The following ZBED5 variants were observed in gnomAD, a reference collection of about 807,000 sequenced individuals.
ZBED5 encodes the protein zinc finger BED domain-containing protein 5.
ZBED5 carries 29 observed loss-of-function variants against 49.2 expected under a neutral mutation model. The ratio of observed to expected loss-of-function variants is 0.59; its 90% CI spans 0.44 to 0.80. The LOEUF is 0.80. Ranked by LOEUF, ZBED5 falls within the 30% of genes least tolerant of loss-of-function variation. The probability of loss-of-function intolerance (pLI) is 0.00; values close to 1 mark genes in which losing one functional copy is unlikely to be tolerated. For missense variants in ZBED5, 775 were observed against 812.9 expected (o/e 0.95, Z 0.57); for synonymous variants, 281 against 292.5 (o/e 0.96, Z 0.40).
At position 10,858,021 on chromosome 11, in the gene ZBED5, G is replaced by C. The variant is rs2232914; in HGVS notation, c.-415C>G. The C allele has an allele frequency of 0.018, 5,282 of 300,144 alleles. 86 individuals carry two copies. The highest frequency in any genetic ancestry group is 0.036 in the Middle Eastern group (39 of 1,088). 18.6% of individuals were successfully genotyped at this position (300,144 alleles called of 1,614,324 possible). A position where few individuals can be genotyped will look rare whatever the true frequency, so the allele number is the denominator to read the frequency against. On this transcript the variant is annotated 5_prime_UTR_variant, in exon 1 of 3. The change creates a new upstream start codon in the 5' untranslated region. Transcript: ENST00000413761. ...ATATCGCCTAGGCCATCTCCATAGA[G>C]ATCCGATTCGCGGCTGGCGCGGTCG...
At position 10,853,358 on chromosome 11, in the gene ZBED5, G is replaced by C. The variant is rs1848128053; in HGVS notation, c.1588C>G (p.Leu530Val). 3 of 1,551,488 alleles carry C rather than the reference G, an allele frequency of 1.9e-6. No individual in the cohort carries two copies. The East Asian group carries it at 7.3e-5, about 38-fold the overall frequency. Residue 530 changes from leucine to valine, a missense_variant, in exon 3 of 3, where the codon CTC (leucine) becomes GTC (valine). Physicochemically the swap from Leu to Val is conservative, Grantham distance 32. Coordinates refer to ENST00000413761, the MANE Select transcript of ZBED5 (RefSeq NM_001143667.2). This position sits in a 1 kb window ranked among gnomAD's most constrained non-coding sequence, Gnocchi z 5.4. ...TTAATTTCAGTCAAAAAATCACTGA[G>C]TGTAGGAAAACAATCAAAGTTTTCT... ...EEENFDCFPT[L>V]SDFLTEINST...
Position 10,854,117 on chromosome 11 carries a change from G to T in ZBED5, c.829C>A (p.Leu277Ile), listed in dbSNP as rs1037128597. The part of the protein sequence containing the change: ...LKICDGFSLQ[L>I]DESADVSGLA... ...CCTGAAACATCAGCTGATTCATCTA[G>T]TTGCAGTGAAAACCCATCGCAAATT... The change falls in exon 3 of 3, where the codon CTA (leucine) becomes ATA (isoleucine). Residue 277 changes from leucine to isoleucine, a missense_variant. Coordinates refer to ENST00000413761, the MANE Select transcript of ZBED5 (RefSeq NM_001143667.2). The surrounding 1 kb of genome is among the most constrained non-coding windows in gnomAD (Gnocchi z 5.0). 1.5e-5 allele frequency: 24 copies of T among 1,550,562 alleles called. No homozygotes were observed. Among genetic ancestry groups the T allele is most frequent in the Non-Finnish European group, 2.0e-5 (23 of 1,146,382 alleles).
Position 10,854,309 on chromosome 11 carries a change from T to C in ZBED5, c.637A>G (p.Ile213Val), listed in dbSNP as rs1250091839. 2.6e-6 allele frequency: 4 copies of C among 1,550,878 alleles called. No homozygotes were observed. The highest frequency in any genetic ancestry group is 2.7e-5 in the African/African-American group (2 of 73,182). Residue 213 changes from isoleucine (I) to valine (V), a missense_variant, in exon 3 of 3, where the codon ATT (isoleucine) becomes GTT (valine). Coordinates refer to ENST00000413761, the MANE Select transcript of ZBED5 (RefSeq NM_001143667.2). This position sits in a 1 kb window ranked among gnomAD's most constrained non-coding sequence, Gnocchi z 5.0. ...HIALSGEAHTIGELLIKPCAK... is the reference protein window; with the variant it reads ...HIALSGEAHTVGELLIKPCAK... The stretch of plus-strand genomic sequence containing the variant: ...CAAGGTTTGATAAGCAATTCTCCAA[T>C]AGTATGAGCCTCTCCACTCAGCGCT...
In ZBED5 at chr11:10,854,801, C is replaced by G. The variant is rs551652740; in HGVS notation, c.145G>C (p.Val49Leu). The G allele has an allele frequency of 3.7e-5, 57 of 1,552,094 alleles. No individual in the cohort carries two copies. In the African/African-American group the frequency reaches 7.7e-4, roughly 21 times the overall value. Residue 49 changes from valine (V) to leucine (L), a missense_variant, in exon 3 of 3, where the codon GTG becomes CTG. By Grantham distance (32) the Val-to-Leu change is conservative. Coordinates refer to ENST00000413761, the MANE Select transcript of ZBED5 (RefSeq NM_001143667.2). This position sits in a 1 kb window ranked among gnomAD's most constrained non-coding sequence, Gnocchi z 5.0. ...LLKQGSLKQEVESFCYQIVSE... is the reference protein window; with the variant it reads ...LLKQGSLKQELESFCYQIVSE... The stretch of plus-strand genomic sequence containing the variant: ...ACAATCTGATAACAGAAAGATTCCA[C>G]TTCTTGTTTAAGACTTCCTTGTTTC...
rs1407021476 is a variant in ZBED5, at chr11:10,853,490, C to T, written c.1456G>A (p.Glu486Lys). 30 of 1,550,794 alleles carry T rather than the reference C, an allele frequency of 1.9e-5. No homozygotes were observed. The highest frequency in any genetic ancestry group is 2.4e-5 in the Non-Finnish European group (27 of 1,146,518). The change falls in exon 3 of 3, where the codon GAA (glutamate) becomes AAA (lysine). Residue 486 changes from glutamate to lysine, a missense_variant. Coordinates refer to ENST00000413761, the MANE Select transcript of ZBED5 (RefSeq NM_001143667.2). The surrounding 1 kb of genome is among the most constrained non-coding windows in gnomAD (Gnocchi z 5.4). ...TTTCCTTGCATTGACAAATTAACTT[C>T]ATTTAATTTAGTAAAAATATCTGCA... ...YLADIFTKLN[E>K]VNLSMQGKNV...
At position 10,853,177 on chromosome 11, in the gene ZBED5, C is replaced by G; in HGVS notation, c.1769G>C (p.Arg590Pro). 1.9e-6 allele frequency: 3 copies of G among 1,551,616 alleles called. No homozygotes were observed. Among genetic ancestry groups the G allele is most frequent in the Non-Finnish European group, 1.7e-6 (2 of 1,146,958 alleles). The change falls in exon 3 of 3, where the codon CGG becomes CCG. Residue 590 changes from arginine to proline, a missense_variant. Transcript: ENST00000413761. The surrounding 1 kb of genome is among the most constrained non-coding windows in gnomAD (Gnocchi z 5.4). ...TAAATCAATCAGGCTCTCATAGTCCCGTGCTACTAATGAAGCTGGTTTAAC... is the reference window on the plus strand; with the variant it reads ...TAAATCAATCAGGCTCTCATAGTCCGGTGCTACTAATGAAGCTGGTTTAAC... ...VTVKPASLVA[R>P]DYESLIDLTS... is the part of the protein sequence containing the mutation.
Position 10,854,856 on chromosome 11 carries a change from G to C in ZBED5, c.90C>G (p.Thr30=), listed in dbSNP as rs1447164324. ...NVYSKLTMFC[T]TNSLPMDLLL... is the part of the protein sequence containing the mutation. ...ACAGATCCATGGGCAATGAGTTTGT[G>C]GTACAAAACATGGTTAATTTAGAAT... Residue 30 remains threonine (T), a synonymous_variant, in exon 3 of 3, where the codon ACC becomes ACG. Transcript: ENST00000413761. This position sits in a 1 kb window ranked among gnomAD's most constrained non-coding sequence, Gnocchi z 5.0. 6.4e-7 allele frequency: 1 copy of C among 1,551,660 alleles called. No individual in the cohort carries two copies. Among genetic ancestry groups the C allele is most frequent in the Non-Finnish European group, 8.7e-7 (1 of 1,146,962 alleles).
Position 10,853,978 on chromosome 11 carries a change from C to T in ZBED5, c.968G>A (p.Cys323Tyr), listed in dbSNP as rs1848140950. ...ATGTTTCTGCATAAAACTGTTGATACAGTTGAATATTTCTTCACCGGTAGC... is the reference window on the plus strand; with the variant it reads ...ATGTTTCTGCATAAAACTGTTGATATAGTTGAATATTTCTTCACCGGTAGC... ...SNATGEEIFN[C>Y]INSFMQKHEI... The change falls in exon 3 of 3, where the codon TGT becomes TAT. Residue 323 changes from cysteine to tyrosine, a missense_variant. Cys to Tyr is a radical substitution (Grantham distance 194, BLOSUM62 -2). Transcript: ENST00000413761. The surrounding 1 kb of genome is among the most constrained non-coding windows in gnomAD (Gnocchi z 5.4). 2.6e-6 allele frequency: 4 copies of T among 1,551,538 alleles called. No individual in the cohort carries two copies. Among genetic ancestry groups the T allele is most frequent in the South Asian group, 1.2e-5 (1 of 84,064 alleles).
In ZBED5 at chr11:10,852,760, T is replaced by C. The variant is rs532567827; in HGVS notation, c.*104A>G. On this transcript the variant is annotated 3_prime_UTR_variant, in exon 3 of 3. Transcript: ENST00000413761. ...TTAAAATCTAAATAGTATAAAAAAATGGAATCATTTTATTTAAATCCCCCA... is the reference window on the plus strand; with the variant it reads ...TTAAAATCTAAATAGTATAAAAAAACGGAATCATTTTATTTAAATCCCCCA... 3 of 1,402,556 alleles carry C rather than the reference T, an allele frequency of 2.1e-6. No homozygotes were observed. Among genetic ancestry groups the C allele is most frequent in the Admixed American group, 3.0e-5 (1 of 33,620 alleles). 86.9% of individuals were successfully genotyped at this position (1,402,556 alleles called of 1,614,324 possible).
chr11:10,855,727 A>G lies in ZBED5; in HGVS notation c.-142+417T>C, dbSNP rs1848170743. On this transcript the variant is annotated intron_variant, in intron 2 of 2. Transcript: ENST00000413761. This position sits in a 1 kb window ranked among gnomAD's most constrained non-coding sequence, Gnocchi z 4.1. Reference sequence around the variant, plus strand: ...TCCTAAATGTTATGCGTTAACAATGAAGAATAAATTGTATATCAAAAGTTA... The same window carrying G: ...TCCTAAATGTTATGCGTTAACAATGGAGAATAAATTGTATATCAAAAGTTA... The G allele has an allele frequency of 6.6e-5, 10 of 152,326 alleles. 1 individual carries two copies. In the South Asian group the frequency reaches 2.1e-3, roughly 32 times the overall value. The allele number at this position is 152,326 out of a possible 1,614,324, so 9.4% of individuals were successfully genotyped here.
At position 10,852,942 on chromosome 11, in the gene ZBED5, C is replaced by A. The variant is rs548807060; in HGVS notation, c.2004G>T (p.Met668Ile). ...GTGTAATATTGCTAAGTCGGATTCG[C>A]ATATGAGGTGCAGCATCAAGTCTTT... ...YRKRLDAAPHMRIRLSNITPN... is the reference protein window; with the variant it reads ...YRKRLDAAPHIRIRLSNITPN... The change falls in exon 3 of 3, where the codon ATG becomes ATT. Residue 668 changes from methionine (M) to isoleucine (I), a missense_variant. By Grantham distance (10) the Met-to-Ile change is conservative. Transcript: ENST00000413761. 1 of 1,551,588 alleles carries A rather than the reference C, an allele frequency of 6.4e-7. No homozygotes were observed. Among genetic ancestry groups the A allele is most frequent in the Admixed American group, 2.0e-5 (1 of 50,996 alleles).
Position 10,854,736 on chromosome 11 carries a change from A to C in ZBED5, c.210T>G (p.Ser70Arg). 2 of 1,551,744 alleles carry C rather than the reference A, an allele frequency of 1.3e-6. No individual in the cohort carries two copies. The highest frequency in any genetic ancestry group is 1.7e-6 in the Non-Finnish European group (2 of 1,146,962). ...SNDQKVGILQ[S>R]EDKQLQPSVS... ...CTGAAGGTTGCAACTGCTTATCTTCACTTTGTAATATTCCAACCTTCTGAT... is the reference window on the plus strand; with the variant it reads ...CTGAAGGTTGCAACTGCTTATCTTCCCTTTGTAATATTCCAACCTTCTGAT... The change falls in exon 3 of 3, where the codon AGT becomes AGG. Residue 70 changes from serine to arginine, a missense_variant. Transcript: ENST00000413761. The surrounding 1 kb of genome is among the most constrained non-coding windows in gnomAD (Gnocchi z 5.0).
rs1848148045 is a variant in ZBED5 at position 10,854,259 on chromosome 11, C to A, written c.687G>T (p.Met229Ile). 1 of 1,551,062 alleles carries A rather than the reference C, an allele frequency of 6.4e-7. No homozygotes were observed. The highest frequency in any genetic ancestry group is 2.0e-5 in the Admixed American group (1 of 50,956). ...KPCAKDVVMR[M>I]FDEQYSKKID... Reference sequence around the variant, plus strand: ...TTTTTTTACTATATTGTTCATCAAACATCCGCATCACTACATCTTTTGCAC... The same window carrying A: ...TTTTTTTACTATATTGTTCATCAAAAATCCGCATCACTACATCTTTTGCAC... Residue 229 changes from methionine to isoleucine, a missense_variant, in exon 3 of 3, where the codon ATG becomes ATT. Physicochemically the swap from Met to Ile is conservative, Grantham distance 10 (BLOSUM62 1). Coordinates refer to ENST00000413761, the MANE Select transcript of ZBED5 (RefSeq NM_001143667.2). This position sits in a 1 kb window ranked among gnomAD's most constrained non-coding sequence, Gnocchi z 5.0.
At chr11:10,856,601 A>G (rs1211930318) in intron 1 of ZBED5, among the ~76,000 whole-genome samples, 1 of 152,218 alleles carries the variant, frequency 6.6e-6, no homozygotes, top group African/African-American at 2.4e-5. Flanking sequence ...TGAATCTAAA[A>G]TGGAATTATA....
Position 10,854,033 on chromosome 11 carries a change from G to A in ZBED5, c.913C>T (p.Leu305=). 1 of 1,551,164 alleles carries A rather than the reference G, an allele frequency of 6.4e-7. No individual in the cohort carries two copies. Among genetic ancestry groups the A allele is most frequent in the Non-Finnish European group, 8.7e-7 (1 of 1,146,870 alleles). ...CTTTGCAAAGATTCACACAGGAGTAGGTCTTCCTCAATAGACTTATTAAAC... is the reference window on the plus strand; with the variant it reads ...CTTTGCAAAGATTCACACAGGAGTAAGTCTTCCTCAATAGACTTATTAAAC... ...YRFNKSIEED[L]LLCESLQSNA... is the part of the protein sequence containing the mutation. The change falls in exon 3 of 3, where the codon CTA becomes TTA. Residue 305 remains leucine (L), a synonymous_variant. Transcript: ENST00000413761. This position sits in a 1 kb window ranked among gnomAD's most constrained non-coding sequence, Gnocchi z 5.0.
rs1848147787 is a variant in ZBED5 at position 10,854,241 on chromosome 11, A to G, written c.705T>C (p.Ser235=). 6.4e-7 allele frequency: 1 copy of G among 1,550,808 alleles called. No individual in the cohort carries two copies. ...ATAGCTGTACTGCATCTATTTTTTT[A>G]CTATATTGTTCATCAAACATCCGCA... ...VVMRMFDEQY[S]KKIDAVQLSN... is the part of the protein sequence containing the mutation. Residue 235 remains serine, a synonymous_variant, in exon 3 of 3, where the codon AGT becomes AGC. Coordinates refer to ENST00000413761, the MANE Select transcript of ZBED5 (RefSeq NM_001143667.2). The surrounding 1 kb of genome is among the most constrained non-coding windows in gnomAD (Gnocchi z 5.0).
rs1848157023 is a variant in ZBED5 at position 10,854,669 on chromosome 11, T to G, written c.277A>C (p.Ile93Leu). ...AATGTTATTTTGTTGGAATTGGATA[T>G]AAATTTGACCCTGGAAAGCTCACCT... ...SEGELSRVKF[I>L]SNSNKITFSK... The change falls in exon 3 of 3, where the codon ATA (isoleucine) becomes CTA (leucine). Residue 93 changes from isoleucine (I) to leucine (L), a missense_variant. Transcript: ENST00000413761. The surrounding 1 kb of genome is among the most constrained non-coding windows in gnomAD (Gnocchi z 5.0). 6.4e-7 allele frequency: 1 copy of G among 1,551,420 alleles called. No individual in the cohort carries two copies. The highest frequency in any genetic ancestry group is 1.4e-5 in the African/African-American group (1 of 73,168).
chr11:10,853,308 G>A lies in ZBED5; in HGVS notation c.1638C>T (p.Cys546=). The A allele has an allele frequency of 6.4e-7, 1 of 1,551,620 alleles. No homozygotes were observed. The highest frequency in any genetic ancestry group is 8.7e-7 in the Non-Finnish European group (1 of 1,146,946). The change falls in exon 3 of 3, where the codon TGC becomes TGT. Residue 546 remains cysteine (C), a synonymous_variant. Coordinates refer to ENST00000413761, the MANE Select transcript of ZBED5 (RefSeq NM_001143667.2). This position sits in a 1 kb window ranked among gnomAD's most constrained non-coding sequence, Gnocchi z 5.4. ...EINSTVDKDI[C]SAIVQHLRGL... ...CCCTTAGGTGCTGCACAATGGCACT[G>A]CAAATATCTTTATCAACTGTAGAAT... is the stretch of plus-strand genomic sequence containing the variant.
In ZBED5 at chr11:10,857,583, G is replaced by C. The variant is rs1848201208; in HGVS notation, c.-256+279C>G. The C allele has an allele frequency of 6.6e-6, 1 of 152,270 alleles. No homozygotes were observed. Among genetic ancestry groups the C allele is most frequent in the South Asian group, 2.1e-4 (1 of 4,832 alleles). The allele number at this position is 152,270 out of a possible 1,614,324, so 9.4% of individuals were successfully genotyped here. A position where few individuals can be genotyped will look rare whatever the true frequency, so the allele number is the denominator to read the frequency against. On this transcript the variant is annotated intron_variant, in intron 1 of 2. Coordinates refer to ENST00000413761, the MANE Select transcript of ZBED5 (RefSeq NM_001143667.2). This position sits in a 1 kb window ranked among gnomAD's most constrained non-coding sequence, Gnocchi z 6.3. Reference sequence around the variant, plus strand: ...CGCTGCCCACAGATTGCCACGACTGGGGGGCTCCCTACCAGTCGCAGCCCA... The same window carrying C: ...CGCTGCCCACAGATTGCCACGACTGCGGGGCTCCCTACCAGTCGCAGCCCA...
Sources: allele counts gnomAD v4.1 joint callset (sites outside exome capture counted in the v4.1 genomes callset), GRCh38; gene constraint gnomAD v4.1.1; non-coding constraint Gnocchi (gnomAD v3.1); transcripts MANE v1.5; gene names NCBI Gene and HGNC (gene_info 2026-07-23, HGNC 2026-07-21).